CUBN: variants seen among roughly 807,000 people sequenced by gnomAD.
CUBN encodes cubilin.
In CUBN, 282 loss-of-function variants were observed where a neutral mutation model predicts 405.3. That is an observed-to-expected ratio of 0.70 (90% CI 0.63 to 0.77). CUBN has a LOEUF of 0.77. Ranked by LOEUF, CUBN falls within the 30% of genes least tolerant of loss-of-function variation. The pLI is 0.00. For missense variants in CUBN, 4,514 were observed against 4,475.2 expected (o/e 1.01, Z -0.25); for synonymous variants, 1,684 against 1,617.0 (o/e 1.04, Z -0.99).
intron 65 of CUBN, among the ~76,000 whole-genome samples, 182 bp downstream of exon 65, chr10:16,831,070 C>T (rs1838975340): frequency 6.6e-6 from 1 of 151,318 alleles, no homozygotes; most frequent in South Asian, 2.1e-4. Context: ...CTGGATGACA[C>T]AGCGAGATTC....
intron 14 of CUBN, among the ~76,000 whole-genome samples, chr10:17,097,824 A>C (rs1248809790): frequency 3.9e-5 from 6 of 152,196 alleles, no homozygotes; most frequent in Admixed American, 3.9e-4. Context: ...ACATTCATTC[A>C]TGATTTTTTA....
intron 14 of CUBN, among the ~76,000 whole-genome samples, chr10:17,091,295 GATATA>G (rs1290971144): frequency 6.6e-6 from 1 of 151,990 alleles, no homozygotes; most frequent in Non-Finnish European, 1.5e-5. Context: ...CATCAAATGT[GATATA>G]ATATATAAAT....
At position 17,069,766 on chromosome 10, in the gene CUBN, AC is replaced by A. The variant is rs1835696748; in HGVS notation, c.2626-997del. Among the ~76,000 whole-genome samples, 6 of 152,136 alleles carry A rather than the reference AC, an allele frequency of 3.9e-5. No individual in the cohort carries two copies. In the South Asian group the frequency reaches 1.2e-3, roughly 32 times the overall value. On this transcript the variant is annotated intron_variant, in intron 19 of 66. Coordinates refer to ENST00000377833, the MANE Select transcript of CUBN (RefSeq NM_001081.4). ...ACTATGTTGCCCAGGCTGGTCTCGAACTCCTGAGCTCAAGTAATTCATCCAC... is the reference window on the plus strand; with the variant it reads ...ACTATGTTGCCCAGGCTGGTCTCGAATCCTGAGCTCAAGTAATTCATCCAC...
chr10:16,832,672 T>C (rs1167526566), intron 64 of CUBN, among the ~76,000 whole-genome samples: 1 of 152,204 alleles, frequency 6.6e-6, no homozygotes, highest in African/African-American at 2.4e-5. Flanking sequence ...ACTTGTCTTA[T>C]TCACTTTCCT....
intron 41 of CUBN, among the ~76,000 whole-genome samples, chr10:16,927,956 A>T (rs904430654): frequency 3.9e-5 from 6 of 152,146 alleles, no homozygotes; most frequent in African/African-American, 9.7e-5. Context: ...ACACTTTTGT[A>T]CGACTTGGCC....
At position 17,045,167 on chromosome 10, in the gene CUBN, G is replaced by A. The variant is rs1163598821; in HGVS notation, c.3512C>T (p.Thr1171Ile). Reference protein sequence around the residue: ...SSTGCGGNLTTSSGTFISPNY... With the variant: ...SSTGCGGNLTISSGTFISPNY... Reference sequence around the variant, plus strand: ...GGGAGATATGAACGTGCCGCTTGAAGTGGTGAGATTACCCCCGCAACCTAC... The same window carrying A: ...GGGAGATATGAACGTGCCGCTTGAAATGGTGAGATTACCCCCGCAACCTAC... Residue 1171 changes from threonine (T) to isoleucine (I), a missense_variant, in exon 25 of 67, where the codon ACT becomes ATT. By Grantham distance (89) the Thr-to-Ile change is moderately conservative (BLOSUM62 -1). Transcript: ENST00000377833. The A allele has an allele frequency of 1.9e-6, 3 of 1,613,672 alleles. No individual in the cohort carries two copies. The highest frequency in any genetic ancestry group is 2.5e-6 in the Non-Finnish European group (3 of 1,179,916).
chr10:17,050,420 CT>C (rs113537456), intron 22 of CUBN, among the ~76,000 whole-genome samples: 29 of 152,248 alleles, frequency 1.9e-4, no homozygotes, highest in African/African-American at 6.7e-4. Flanking sequence ...AATGACAGTC[CT>C]ACTGAGCTGA....
intron 8 of CUBN, among the ~76,000 whole-genome samples, chr10:17,112,313 T>C (rs899923995): frequency 1.3e-5 from 2 of 152,242 alleles, no homozygotes; most frequent in African/African-American, 2.4e-5. Context: ...ATGTTCATCA[T>C]GGTCCTCTGT....
At chr10:17,029,220 G>A (rs1160923289) in intron 27 of CUBN, among the ~76,000 whole-genome samples, 1 of 152,196 alleles carries the variant, frequency 6.6e-6, no homozygotes, top group African/African-American at 2.4e-5. Flanking sequence ...AGGTTGGAAC[G>A]TTGGTTCATT....
chr10:16,841,784 A>C (rs933689193), intron 60 of CUBN, among the ~76,000 whole-genome samples: 9 of 151,406 alleles, frequency 5.9e-5, no homozygotes, highest in African/African-American at 2.2e-4. Flanking sequence ...GTGGTGGTAC[A>C]CCCCTGTAAT....
At chr10:17,044,778 T>C (rs1440546494) in intron 25 of CUBN, among the ~76,000 whole-genome samples, 1 of 152,176 alleles carries the variant, frequency 6.6e-6, no homozygotes, top group Non-Finnish European at 1.5e-5. Flanking sequence ...TTTCACCATA[T>C]CTTAATAGTC....
intron 23 of CUBN, among the ~76,000 whole-genome samples, chr10:17,047,146 A>G (rs1564493471): frequency 6.6e-6 from 1 of 152,220 alleles, no homozygotes; most frequent in Non-Finnish European, 1.5e-5. Context: ...GTAGTAGCAC[A>G]TCTGTTTCTT....
chr10:16,951,563 CA>C (rs1265715214), intron 33 of CUBN, among the ~76,000 whole-genome samples: 1 of 152,184 alleles, frequency 6.6e-6, no homozygotes, highest in Non-Finnish European at 1.5e-5. Flanking sequence ...AGGGCCCCAG[CA>C]TCACCCGCTT....
intron 10 of CUBN, among the ~76,000 whole-genome samples, chr10:17,108,428 C>G (rs993345181): frequency 4.0e-5 from 6 of 151,248 alleles, no homozygotes; most frequent in Non-Finnish European, 2.9e-5. Flanking sequence ...CATATATGTT[C>G]TTTTCTATAT....
intron 31 of CUBN, among the ~76,000 whole-genome samples, chr10:16,964,110 A>G (rs1033105702): frequency 6.6e-6 from 1 of 152,218 alleles, no homozygotes; most frequent in African/African-American, 2.4e-5. Context: ...AAGTTTTTGT[A>G]TGTTATATAC....
rs1325883200 is a variant in CUBN, at chr10:16,835,039, A to G, written c.10337T>C (p.Val3446Ala). 5 of 1,614,076 alleles carry G rather than the reference A, an allele frequency of 3.1e-6. No individual in the cohort carries two copies. The African/African-American group carries it at 6.7e-5, about 22-fold the overall frequency. Residue 3446 changes from valine to alanine, a missense_variant, in exon 64 of 67, where the codon GTT (valine) becomes GCT (alanine). Coordinates refer to ENST00000377833, the MANE Select transcript of CUBN (RefSeq NM_001081.4). ...FFHSLGIENS[V>A]ECRNDFLEVR... ...CTCCAAGAAATCGTTTCTGCATTCA[A>G]CTGAGTTCTCGATGCCAAGTGAATG...
intron 66 of CUBN, among the ~76,000 whole-genome samples, chr10:16,825,907 A>AT (rs34831032): frequency 0.34 from 51,811 of 151,264 alleles, 9,668 homozygotes; most frequent in East Asian, 0.78. Context: ...GTGAGTGTAG[A>AT]TTTTTTTTTC....
intron 28 of CUBN, among the ~76,000 whole-genome samples, chr10:17,010,667 T>A (rs1460658528): frequency 6.9e-6 from 1 of 145,552 alleles, no homozygotes; most frequent in Non-Finnish European, 1.5e-5. Flanking sequence ...TATATAAATA[T>A]CTACTCACTT....
intron 39 of CUBN, among the ~76,000 whole-genome samples, chr10:16,934,827 C>A (rs1218953615): frequency 6.6e-6 from 1 of 152,162 alleles, no homozygotes; most frequent in Non-Finnish European, 1.5e-5. Flanking sequence ...GCAGCTCCAA[C>A]AGCCTGAGTT....
Sources: allele counts gnomAD v4.1 joint callset (sites outside exome capture counted in the v4.1 genomes callset), GRCh38; gene constraint gnomAD v4.1.1; transcripts MANE v1.5; gene names NCBI Gene and HGNC (gene_info 2026-07-23, HGNC 2026-07-21).